ADAM23: variants seen among roughly 807,000 people sequenced by gnomAD.
The protein encoded by ADAM23 is disintegrin and metalloproteinase domain-containing protein 23.
A neutral mutation model predicts 120.1 loss-of-function variants in ADAM23; 33 were observed. The observed-to-expected ratio is 0.27, with a 90% CI of 0.21 to 0.37. The LOEUF is 0.37. ADAM23 is among the 10% of genes least tolerant of loss of function. The pLI, the probability that ADAM23 is intolerant of heterozygous loss-of-function variation, is 1.00. For missense variants in ADAM23, 862 were observed against 1,058.2 expected, an observed-to-expected ratio of 0.81 and a Z score of 2.57; for synonymous variants, 367 against 375.2, an observed-to-expected ratio of 0.98 and a Z score of 0.25.
At position 206,617,757 on chromosome 2, in the gene ADAM23, T is replaced by C; in HGVS notation, c.*130T>C. On this transcript the variant is annotated 3_prime_UTR_variant, in exon 26 of 26. Transcript: ENST00000264377. ...GTGGTAATGACTACGGAGCTAAAGT[T>C]GGGGTGACAAGGATGGGGTAAAAGA... The C allele has an allele frequency of 6.7e-7, 1 of 1,496,920 alleles. No homozygotes were observed. Among genetic ancestry groups the C allele is most frequent in the Non-Finnish European group, 8.9e-7 (1 of 1,121,332 alleles). 92.7% of individuals were successfully genotyped at this position (1,496,920 alleles called of 1,614,324 possible).
chr2:206,603,687 G>A (rs374003293), intron 24 of ADAM23, among the ~76,000 whole-genome samples: 5 of 152,004 alleles, frequency 3.3e-5, no homozygotes, highest in African/African-American at 7.3e-5. Context: ...GAAATGTCTC[G>A]TCCTCCGGTT....
chr2:206,503,621 G>T (rs1332203064), intron 3 of ADAM23, among the ~76,000 whole-genome samples: 1 of 152,134 alleles, frequency 6.6e-6, no homozygotes, highest in Non-Finnish European at 1.5e-5. Context: ...TAATTGAGGT[G>T]CAGTATGTGA....
At chr2:206,605,808 G>C in intron 24 of ADAM23, 1 of 701,856 alleles carries the variant, frequency 1.4e-6, no homozygotes. Context: ...GCCACAAGCA[G>C]GCTAATAGGG....
At chr2:206,452,850 C>G (rs16824772) in intron 2 of ADAM23, among the ~76,000 whole-genome samples, 1 of 151,948 alleles carries the variant, frequency 6.6e-6, no homozygotes, top group African/African-American at 2.4e-5. Context: ...TATAAATAGT[C>G]GCTGATTAAG....
At chr2:206,580,962 A>C (rs963723253) in intron 18 of ADAM23, among the ~76,000 whole-genome samples, 1 of 152,058 alleles carries the variant, frequency 6.6e-6, no homozygotes. Context: ...TTTTTCCAGG[A>C]ATTTATCCAT....
rs62195944 is a variant in ADAM23, at chr2:206,497,125, T to A, written c.509+15817T>A. 3.6e-3 allele frequency among the ~76,000 whole-genome samples: 542 copies of A among 152,000 alleles called. 2 individuals are homozygous for A. Among genetic ancestry groups the A allele is most frequent in the Non-Finnish European group, 5.8e-3 (393 of 67,906 alleles). On this transcript the variant is annotated intron_variant, in intron 3 of 25. Coordinates refer to ENST00000264377, the MANE Select transcript of ADAM23 (RefSeq NM_003812.4). ...TGAAACTATTCCAATCAATAGAAAA[T>A]GAGGGAATCCTCCCTAACTCATTTT... is the stretch of plus-strand genomic sequence containing the variant.
Position 206,609,749 on chromosome 2 carries a change from G to A in ADAM23, c.2360-161G>A. 8 of 588,178 alleles carry A rather than the reference G, an allele frequency of 1.4e-5. No homozygotes were observed. The South Asian group carries it at 1.8e-4, about 13-fold the overall frequency. The allele number at this position is 588,178 out of a possible 1,614,324, so 36.4% of individuals were successfully genotyped here. On this transcript the variant is annotated intron_variant, in intron 24 of 25. Transcript: ENST00000264377. ...ATAAATCCAAGCAACGCTCACCGTA[G>A]CATCTAAAATGCAATTAAGCTAAGT...
At chr2:206,455,602 C>A (rs984462504) in intron 2 of ADAM23, among the ~76,000 whole-genome samples, 2 of 152,212 alleles carry the variant, frequency 1.3e-5, no homozygotes, top group African/African-American at 2.4e-5. Context: ...ATATAAGTTC[C>A]AGTTTCAGCC....
At chr2:206,539,306 G>A (rs1697244060) in intron 4 of ADAM23, among the ~76,000 whole-genome samples, 1 of 152,164 alleles carries the variant, frequency 6.6e-6, no homozygotes, top group Admixed American at 6.6e-5. Context: ...AAATGCTGAT[G>A]TCTGTATGGG....
intron 3 of ADAM23, among the ~76,000 whole-genome samples, chr2:206,486,099 T>A (rs1405431393): frequency 2.6e-5 from 4 of 152,188 alleles, no homozygotes; most frequent in Admixed American, 6.5e-5. Context: ...AGGACTGTGG[T>A]CCATGGTGAG....
chr2:206,585,880 A>T (rs1228602039), intron 18 of ADAM23, among the ~76,000 whole-genome samples: 1 of 152,200 alleles, frequency 6.6e-6, no homozygotes, highest in African/African-American at 2.4e-5. Flanking sequence ...AATAAATAAA[A>T]AGCCCTTAAA....
intron 2 of ADAM23, among the ~76,000 whole-genome samples, chr2:206,478,427 T>G (rs956371693): frequency 2.0e-5 from 3 of 152,114 alleles, no homozygotes; most frequent in African/African-American, 7.2e-5. Flanking sequence ...TTCCTATGGA[T>G]AAACAGATAT....
chr2:206,592,368 C>G (rs562749989), intron 21 of ADAM23, among the ~76,000 whole-genome samples: 2 of 152,150 alleles, frequency 1.3e-5, no homozygotes, highest in South Asian at 4.2e-4. Flanking sequence ...ATGGGAGTAC[C>G]AAGAATAGAT....
rs1699028889 is a variant in ADAM23 at position 206,620,219 on chromosome 2, G to A, written c.*2592G>A. 6.6e-6 allele frequency: 1 copy of A among 152,140 alleles called. No individual in the cohort carries two copies. The highest frequency in any genetic ancestry group is 6.5e-5 in the Admixed American group (1 of 15,280). 9.4% of individuals were successfully genotyped at this position (152,140 alleles called of 1,614,324 possible). On this transcript the variant is annotated 3_prime_UTR_variant, in exon 26 of 26. Transcript: ENST00000264377. ...ACAAACAACATTGTAAATGTGCGAT[G>A]TTACGTTTTAAATCAGACCACAGTG...
chr2:206,499,960 C>T (rs1696353326), intron 3 of ADAM23, among the ~76,000 whole-genome samples: 1 of 152,100 alleles, frequency 6.6e-6, no homozygotes. Flanking sequence ...TTCCTTCACC[C>T]AGCACCGTGA....
At chr2:206,583,903 G>T (rs1014815929) in intron 18 of ADAM23, among the ~76,000 whole-genome samples, 2 of 152,088 alleles carry the variant, frequency 1.3e-5, no homozygotes, top group Non-Finnish European at 2.9e-5. Context: ...TGGTGAACTA[G>T]TGTGATTTTT....
chr2:206,497,744 C>G (rs1485521839), intron 3 of ADAM23, among the ~76,000 whole-genome samples: 1 of 152,078 alleles, frequency 6.6e-6, no homozygotes, highest in Non-Finnish European at 1.5e-5. Flanking sequence ...GATTGTGTAT[C>G]TAGAAAACCC....
At chr2:206,606,315 C>T (rs988820896) in intron 24 of ADAM23, among the ~76,000 whole-genome samples, 12 of 151,976 alleles carry the variant, frequency 7.9e-5, no homozygotes, top group Non-Finnish European at 8.8e-5. Context: ...GTTATAGGAC[C>T]TTTTAAAGGT....
chr2:206,447,621 T>C (rs564091501), intron 2 of ADAM23, among the ~76,000 whole-genome samples: 1 of 152,366 alleles, frequency 6.6e-6, no homozygotes, highest in Admixed American at 6.5e-5. Context: ...CTGCTGTATC[T>C]TAGGATGACT....
Sources: gnomAD v4.1 joint callset for allele counts (sites outside exome capture counted in the v4.1 genomes callset) on GRCh38, gnomAD v4.1.1 for gene constraint, MANE v1.5 for transcripts, NCBI Gene and HGNC (gene_info 2026-07-23, HGNC 2026-07-21) for gene names.